TEX9: variants seen among roughly 807,000 people sequenced by gnomAD.
The protein encoded by TEX9 is testis expressed 9, also known as testis-expressed protein 9.
TEX9 carries 74 observed loss-of-function variants against 59.6 expected under a neutral mutation model. The observed-to-expected ratio is 1.24, with a 90% CI of 1.03 to 1.51. The LOEUF is 1.51. Ranked by LOEUF, TEX9 falls within the 40% of genes most tolerant of loss-of-function variation. TEX9 has a pLI of 0.00. For missense variants in TEX9, 522 were observed against 447.8 expected, an observed-to-expected ratio of 1.17 and a Z score of -1.49; for synonymous variants, 186 against 152.2, an observed-to-expected ratio of 1.22 and a Z score of -1.64.
chr15:56,405,178 C>T, intron 9 of TEX9, among the ~76,000 whole-genome samples: 1 of 151,940 alleles, frequency 6.6e-6, no homozygotes, highest in Non-Finnish European at 1.5e-5. Context: ...GTGGTGGGCG[C>T]CTGTAGTCTC....
intron 1 of TEX9, among the ~76,000 whole-genome samples, chr15:56,345,644 AG>A (rs1181263537): frequency 6.6e-6 from 1 of 152,142 alleles, no homozygotes; most frequent in African/African-American, 2.4e-5. Context: ...CCTTCAGTAG[AG>A]GTTTTTAGAG....
chr15:56,258,916 A>C (rs1199118084), intron 1 of TEX9, among the ~76,000 whole-genome samples: 1 of 149,828 alleles, frequency 6.7e-6, no homozygotes, highest in Non-Finnish European at 1.5e-5. Context: ...ATATATACAT[A>C]TATAAACACC....
chr15:56,273,765 A>G (rs958777128), intron 1 of TEX9, among the ~76,000 whole-genome samples: 2 of 152,170 alleles, frequency 1.3e-5, no homozygotes, highest in African/African-American at 4.8e-5. Flanking sequence ...ATTCTTTTCT[A>G]GCTTGCATAA....
chr15:56,415,820 C>T (rs1025512904), intron 10 of TEX9, among the ~76,000 whole-genome samples: 2 of 151,824 alleles, frequency 1.3e-5, no homozygotes. Context: ...ATCTGTAAAT[C>T]GCTTTGGGCA....
At chr15:56,352,863 A>T (rs1355346461) in intron 1 of TEX9, among the ~76,000 whole-genome samples, 1 of 152,206 alleles carries the variant, frequency 6.6e-6, no homozygotes, top group Admixed American at 6.5e-5. Context: ...TTGAGCTCTG[A>T]TACATAGTTT....
At chr15:56,368,103 C>T (rs188455088) in intron 2 of TEX9, among the ~76,000 whole-genome samples, 1 of 152,262 alleles carries the variant, frequency 6.6e-6, no homozygotes, top group East Asian at 1.9e-4. Context: ...ATAATCACTA[C>T]ATTTGAGGTT....
At chr15:56,457,373 A>T in the TEX9 span, among the ~76,000 whole-genome samples, 2 of 152,350 alleles carry the variant, frequency 1.3e-5, no homozygotes, top group East Asian at 3.9e-4. Context: ...TGCAAATTAG[A>T]ATTGCAAGGA....
intron 1 of TEX9, among the ~76,000 whole-genome samples, chr15:56,280,847 G>C (rs1243590747): frequency 6.6e-6 from 1 of 152,194 alleles, no homozygotes; most frequent in African/African-American, 2.4e-5. Flanking sequence ...TGCAAAGCCA[G>C]ATGAATAACT....
intron 1 of TEX9, among the ~76,000 whole-genome samples, chr15:56,320,238 C>G (rs1786933206): frequency 6.6e-6 from 1 of 152,190 alleles, no homozygotes; most frequent in African/African-American, 2.4e-5. Context: ...GAAGTGTAAG[C>G]TTCTTTAGGG....
intron 1 of TEX9, among the ~76,000 whole-genome samples, chr15:56,306,257 C>CA (rs55882329): frequency 0.01 from 821 of 79,398 alleles, 29 homozygotes; most frequent in African/African-American, 0.038. Context: ...AGGTACATAG[C>CA]AAAAAAAAAA....
intron 12 of TEX9, among the ~76,000 whole-genome samples, chr15:56,442,180 G>A (rs811257): frequency 0.031 from 4,646 of 152,108 alleles, 180 homozygotes; most frequent in East Asian, 0.091. Context: ...AAACCACAAT[G>A]AGATACTATC....
chr15:56,319,300 CAAAG>C (rs1185521284), intron 1 of TEX9, among the ~76,000 whole-genome samples: 1 of 151,148 alleles, frequency 6.6e-6, no homozygotes, highest in Non-Finnish European at 1.5e-5. Flanking sequence ...GTTCAGATAT[CAAAG>C]GAGGGGTTTT....
At chr15:56,352,505 G>C (rs1037453214) in intron 1 of TEX9, among the ~76,000 whole-genome samples, 3 of 151,652 alleles carry the variant, frequency 2.0e-5, no homozygotes. Context: ...CGCTCGTCTT[G>C]GCCTCCCTAA....
At chr15:56,273,256 T>C (rs1341723823) in intron 1 of TEX9, among the ~76,000 whole-genome samples, 1 of 152,064 alleles carries the variant, frequency 6.6e-6, no homozygotes, top group Non-Finnish European at 1.5e-5. Flanking sequence ...AATTGTGTAT[T>C]TTTTTTAACT....
At chr15:56,283,998 G>A (rs1308158947) in intron 1 of TEX9, among the ~76,000 whole-genome samples, 1 of 152,152 alleles carries the variant, frequency 6.6e-6, no homozygotes, top group Non-Finnish European at 1.5e-5. Flanking sequence ...GAATTAAACA[G>A]ATTTTTAACA....
intron 1 of TEX9, among the ~76,000 whole-genome samples, chr15:56,354,142 ATATG>A (rs1200804201): frequency 1.3e-5 from 2 of 152,206 alleles, no homozygotes; most frequent in African/African-American, 4.8e-5. Context: ...TATGTTGTAT[ATATG>A]TATTCTGAAT....
intron 10 of TEX9, among the ~76,000 whole-genome samples, chr15:56,416,201 C>T (rs2049676804): frequency 6.6e-6 from 1 of 151,252 alleles, no homozygotes; most frequent in African/African-American, 2.4e-5. Flanking sequence ...ATTTGGATGC[C>T]CTCTCTTTAT....
At chr15:56,453,857 A>AT in the TEX9 span, among the ~76,000 whole-genome samples, 1 of 152,130 alleles carries the variant, frequency 6.6e-6, no homozygotes, top group Non-Finnish European at 1.5e-5. Context: ...AACTTCAATG[A>AT]TTTTTTAAAT....
At position 56,389,170 on chromosome 15, in the gene TEX9, A is replaced by G. The variant is rs967645925; in HGVS notation, c.313-148A>G. 5.3e-5 allele frequency: 36 copies of G among 683,938 alleles called. 1 individual carries two copies. Among genetic ancestry groups the G allele is most frequent in the Middle Eastern group, 3.9e-4 (1 of 2,570 alleles). 42.4% of individuals were successfully genotyped at this position (683,938 alleles called of 1,614,324 possible). On this transcript the variant is annotated intron_variant, in intron 5 of 12. Transcript: ENST00000352903. ...GGTCTTTTCCAGCTATACAGTTGTG[A>G]TATTCTTGAAAACACATTTTTGGTA...
Sources: gnomAD v4.1 joint callset for allele counts (sites outside exome capture counted in the v4.1 genomes callset) on GRCh38, gnomAD v4.1.1 for gene constraint, MANE v1.5 for transcripts, NCBI Gene and HGNC (gene_info 2026-07-23, HGNC 2026-07-21) for gene names.